The following CCDC7 variants were observed in gnomAD, a reference collection of about 807,000 sequenced individuals.
CCDC7 encodes the protein coiled-coil domain containing 7, also known as coiled-coil domain-containing protein 7.
CCDC7 carries 183 observed loss-of-function variants against 196.9 expected under a neutral mutation model. The ratio of observed to expected loss-of-function variants is 0.93; its 90% CI spans 0.82 to 1.05. CCDC7 has a LOEUF of 1.05. Ranked by LOEUF, CCDC7 falls within the 50% of genes least tolerant of loss-of-function variation. CCDC7 has a pLI of 0.00. For missense variants in CCDC7, 1,540 were observed against 1,482.2 expected (o/e 1.04, Z -0.64); for synonymous variants, 525 against 484.6 (o/e 1.08, Z -1.10).
At chr10:32,518,173 C>G (rs867818602) in intron 10 of CCDC7, among the ~76,000 whole-genome samples, 198 bp downstream of exon 11, 2 of 152,134 alleles carry the variant, frequency 1.3e-5, no homozygotes. Context: ...CTCAGAAACT[C>G]TTCACTTCTG....
intron 20 of CCDC7, among the ~76,000 whole-genome samples, chr10:32,643,803 A>G (rs2067257304): frequency 6.7e-6 from 1 of 150,280 alleles, no homozygotes; most frequent in Non-Finnish European, 1.5e-5. Context: ...ATGTAACTTC[A>G]TAGTTTATTT....
At chr10:32,735,236 G>A (rs1283187295) in intron 28 of CCDC7, among the ~76,000 whole-genome samples, 7 of 152,212 alleles carry the variant, frequency 4.6e-5, no homozygotes, top group African/African-American at 1.4e-4. Context: ...CACGATTGCT[G>A]TATCATATAG....
intron 7 of CCDC7, 123 bp downstream of exon 8, chr10:32,472,665 G>A (rs1451743518): frequency 1.2e-5 from 10 of 815,992 alleles, no homozygotes; most frequent in Admixed American, 7.5e-5. Context: ...CATGAATATC[G>A]CTCACTGCAG....
chr10:32,539,599 T>C (rs147689844), intron 11 of CCDC7, among the ~76,000 whole-genome samples: 59 of 152,302 alleles, frequency 3.9e-4, no homozygotes, highest in African/African-American at 1.3e-3. Context: ...CTAGTTGTGA[T>C]GTTAGGTTGT....
chr10:32,601,368 G>A (rs2060981677), intron 18 of CCDC7, among the ~76,000 whole-genome samples: 1 of 152,174 alleles, frequency 6.6e-6, no homozygotes. Context: ...ACCACACCCG[G>A]CCCTAAGTTA....
At chr10:32,880,173 G>C (rs943766870), downstream of CCDC7, among the ~76,000 whole-genome samples, 3 of 152,126 alleles carry the variant, frequency 2.0e-5, no homozygotes, top group Non-Finnish European at 4.4e-5. Context: ...CACCAGCAGT[G>C]TAAAAGTGTT....
intron 5 of CCDC7, among the ~76,000 whole-genome samples, chr10:32,467,389 G>T (rs1290297290): frequency 1.3e-5 from 2 of 152,024 alleles, no homozygotes; most frequent in African/African-American, 4.8e-5. Context: ...TAGGATTACA[G>T]GCGTGAGCCA....
intron 24 of CCDC7, among the ~76,000 whole-genome samples, chr10:32,710,957 A>G (rs1392877886): frequency 6.6e-6 from 1 of 152,182 alleles, no homozygotes; most frequent in African/African-American, 2.4e-5. Context: ...TTTTCCCACA[A>G]AAAGACATTG....
chr10:32,820,538 A>C (rs1443305897), intron 31 of CCDC7, among the ~76,000 whole-genome samples: 1 of 152,210 alleles, frequency 6.6e-6, no homozygotes, highest in East Asian at 1.9e-4. Flanking sequence ...ACAAAGCTGG[A>C]GGCATCACGC....
chr10:32,763,572 AAAC>A (rs756519775), intron 28 of CCDC7, among the ~76,000 whole-genome samples: 187 of 152,100 alleles, frequency 1.2e-3, no homozygotes, highest in Non-Finnish European at 2.0e-3. Flanking sequence ...CAAGATATGA[AAAC>A]AACGTGTCTG....
chr10:32,838,239 C>T (rs1030614227), intron 33 of CCDC7, among the ~76,000 whole-genome samples: 1 of 151,982 alleles, frequency 6.6e-6, no homozygotes, highest in African/African-American at 2.4e-5. Context: ...TTTATTTTCT[C>T]ACAGTTCTGA....
intron 28 of CCDC7, among the ~76,000 whole-genome samples, chr10:32,762,451 C>T (rs1285165781): frequency 6.6e-6 from 1 of 151,414 alleles, no homozygotes; most frequent in Non-Finnish European, 1.5e-5. Context: ...ATCAATATTC[C>T]AATTACATTT....
chr10:32,821,149 A>T (rs2090104161), intron 31 of CCDC7, among the ~76,000 whole-genome samples: 1 of 152,242 alleles, frequency 6.6e-6, no homozygotes, highest in Admixed American at 6.5e-5. Flanking sequence ...AAAGTGGGCG[A>T]AGGATATGAA....
Position 32,847,699 on chromosome 10 carries a change from A to G in CCDC7, c.3689-134A>G, listed in dbSNP as rs1461391579. ...CTCTGCACTCCAGCCTGAGTGACAG[A>G]ACAAGATCCTGTCTCTAAAAAAAAA... On this transcript the variant is annotated intron_variant, in intron 37 of 41. Transcript: ENST00000639629. The G allele has an allele frequency of 3.1e-5, 18 of 588,808 alleles. No individual in the cohort carries two copies. In the Admixed American group the frequency reaches 6.0e-4, roughly 20 times the overall value. The allele number at this position is 588,808 out of a possible 1,614,324, so 36.5% of individuals were successfully genotyped here.
At chr10:32,558,082 A>C (rs1279612964) in intron 13 of CCDC7, among the ~76,000 whole-genome samples, 1 of 152,150 alleles carries the variant, frequency 6.6e-6, no homozygotes, top group Non-Finnish European at 1.5e-5. Flanking sequence ...GCTTGCTTTA[A>C]ACATCTGTAT....
At chr10:32,546,003 G>A (rs2052399813) in intron 13 of CCDC7, among the ~76,000 whole-genome samples, 1 of 151,870 alleles carries the variant, frequency 6.6e-6, no homozygotes, top group South Asian at 2.1e-4. Context: ...TAGAGAAGGA[G>A]AGGTGGAGGA....
In CCDC7 at chr10:32,508,509, CA is replaced by C. The variant is rs2045560084; in HGVS notation, c.873-9434del. Among the ~76,000 whole-genome samples, 3 of 152,242 alleles carry C rather than the reference CA, an allele frequency of 2.0e-5. No individual in the cohort carries two copies. The South Asian group carries it at 6.2e-4, about 32-fold the overall frequency. On this transcript the variant is annotated intron_variant, in intron 9 of 41. Coordinates refer to ENST00000639629, the Ensembl canonical transcript of CCDC7. ...TTCTGTGTGAATCCTATGAAAATAC[CA>C]ATGACATTTTTCACAGACATAAAAC...
At chr10:32,667,925 T>A (rs1376556671) in intron 21 of CCDC7, among the ~76,000 whole-genome samples, 5 of 152,098 alleles carry the variant, frequency 3.3e-5, no homozygotes, top group Non-Finnish European at 7.4e-5. Context: ...GGTAGCTTGA[T>A]GGGGATGGCA....
rs2093575800 is a variant in CCDC7, at chr10:32,851,806, G to T, written c.3896-1G>T. 1 of 1,606,872 alleles carries T rather than the reference G, an allele frequency of 6.2e-7. No homozygotes were observed. Among genetic ancestry groups the T allele is most frequent in the African/African-American group, 1.3e-5 (1 of 74,498 alleles). On this transcript the variant is annotated splice_acceptor_variant, in intron 39 of 41. Transcript: ENST00000639629. LOFTEE classifies it high-confidence loss of function. Reference sequence around the variant, plus strand: ...CTAACATATTTTCCAAATTTTTCTAGAGGAAACTTATGAGTACTCTTCACC... The same window carrying T: ...CTAACATATTTTCCAAATTTTTCTATAGGAAACTTATGAGTACTCTTCACC...
Sources: allele counts gnomAD v4.1 joint callset (sites outside exome capture counted in the v4.1 genomes callset), GRCh38; gene constraint gnomAD v4.1.1; transcripts MANE v1.5; gene names NCBI Gene and HGNC (gene_info 2026-07-23, HGNC 2026-07-21).